The following DLGAP2 variants were observed in gnomAD, a reference collection of about 807,000 sequenced individuals.
DLGAP2 encodes the protein DLG associated protein 2.
In DLGAP2, 26 loss-of-function variants were observed where a neutral mutation model predicts 100.3. That is an observed-to-expected ratio of 0.26 (90% CI 0.19 to 0.36). DLGAP2 has a LOEUF of 0.36. Ranked by LOEUF, DLGAP2 falls within the 10% of genes least tolerant of loss-of-function variation. DLGAP2 has a pLI of 1.00. For missense variants in DLGAP2, 1,858 were observed against 1,453.2 expected, an observed-to-expected ratio of 1.28 and a Z score of -4.53; for synonymous variants, 886 against 630.1, an observed-to-expected ratio of 1.41 and a Z score of -6.08.
At chr8:1,022,392 G>C (rs544790259) in intron 2 of DLGAP2, among the ~76,000 whole-genome samples, 4 of 146,434 alleles carry the variant, frequency 2.7e-5, no homozygotes, top group South Asian at 2.2e-4. Flanking sequence ...GGACAGTCCC[G>C]TGCCAAGGTA....
At chr8:870,729 A>G (rs559027179) in intron 1 of DLGAP2, among the ~76,000 whole-genome samples, 3 of 152,052 alleles carry the variant, frequency 2.0e-5, no homozygotes, top group South Asian at 4.2e-4. Flanking sequence ...ACCCCAGCAC[A>G]TTCCCTGAGC....
chr8:785,003 C>G (rs1019463175), intron 1 of DLGAP2, among the ~76,000 whole-genome samples: 3 of 151,694 alleles, frequency 2.0e-5, no homozygotes, highest in Non-Finnish European at 4.4e-5. Flanking sequence ...GTCAGGAGAT[C>G]GAGACCATCC....
In DLGAP2 at chr8:1,315,714, C is replaced by T. The variant is rs529016079; in HGVS notation, c.106+56831C>T. Among the ~76,000 whole-genome samples, 87 of 50,930 alleles carry T rather than the reference C, an allele frequency of 1.7e-3. 2 individuals are homozygous for T. Among genetic ancestry groups the T allele is most frequent in the Non-Finnish European group, 2.2e-3 (64 of 29,152 alleles). 33.4% of individuals were successfully genotyped at this position (50,930 alleles called of 152,430 possible). On this transcript the variant is annotated intron_variant, in intron 3 of 14. Transcript: ENST00000637795. ...GCAGCGTTTAAAAATAGAGCCTGTA[C>T]GAGTGCAGCGTCTCTCCAACAGTGG...
At chr8:1,275,951 A>G (rs1306564003) in intron 3 of DLGAP2, among the ~76,000 whole-genome samples, 1 of 126,144 alleles carries the variant, frequency 7.9e-6, no homozygotes, top group South Asian at 2.3e-4. Context: ...TATATAATAT[A>G]TAAATAAATA....
chr8:793,566 A>G (rs781020396), intron 1 of DLGAP2, among the ~76,000 whole-genome samples: 2 of 151,872 alleles, frequency 1.3e-5, no homozygotes, highest in East Asian at 1.9e-4. Flanking sequence ...TTTTTCTTCT[A>G]TTATTTCTTT....
At chr8:814,201 G>A (rs930509942) in intron 1 of DLGAP2, among the ~76,000 whole-genome samples, 2 of 152,192 alleles carry the variant, frequency 1.3e-5, no homozygotes, top group Admixed American at 6.5e-5. Flanking sequence ...GTGAAAAGTA[G>A]AATAGACATT....
chr8:892,067 G>A (rs575172408), intron 1 of DLGAP2, among the ~76,000 whole-genome samples: 3 of 152,364 alleles, frequency 2.0e-5, no homozygotes, highest in African/African-American at 4.8e-5. Flanking sequence ...AGTGTTGGGA[G>A]GATGTGGAGG....
chr8:1,578,411 C>T (rs1193396472), intron 6 of DLGAP2, among the ~76,000 whole-genome samples: 1 of 152,196 alleles, frequency 6.6e-6, no homozygotes, highest in African/African-American at 2.4e-5. Context: ...TGGGCACCTG[C>T]GTTGACTGTG....
In DLGAP2 at chr8:1,702,001, G is replaced by A. The variant is rs917703394; in HGVS notation, c.*595G>A. The A allele has an allele frequency of 6.6e-6, 1 of 152,106 alleles. No homozygotes were observed. The highest frequency in any genetic ancestry group is 2.4e-5 in the African/African-American group (1 of 41,390). The allele number at this position is 152,106 out of a possible 1,614,324, so 9.4% of individuals were successfully genotyped here. On this transcript the variant is annotated 3_prime_UTR_variant, in exon 15 of 15. Transcript: ENST00000637795. The stretch of plus-strand genomic sequence containing the variant: ...TCCTTGTGTCAAGCTTCCTGTGATG[G>A]AAAGCGACCTCTCCAACCACCACAC...
intron 2 of DLGAP2, among the ~76,000 whole-genome samples, chr8:1,110,788 C>G (rs1443889966): frequency 6.7e-6 from 1 of 148,994 alleles, no homozygotes; most frequent in African/African-American, 2.5e-5. Context: ...CAGACCCTCT[C>G]TCTCACATAC....
intron 3 of DLGAP2, among the ~76,000 whole-genome samples, chr8:1,465,591 A>G (rs1798604626): frequency 6.6e-6 from 1 of 152,044 alleles, no homozygotes; most frequent in Non-Finnish European, 1.5e-5. Context: ...CCCTCCAGGA[A>G]CCTCCACGGG....
At chr8:1,645,759 T>C (rs1385322978) in intron 8 of DLGAP2, among the ~76,000 whole-genome samples, 1 of 152,230 alleles carries the variant, frequency 6.6e-6, no homozygotes, top group Admixed American at 6.5e-5. Context: ...TCAAGAGTCA[T>C]TGACATGATT....
chr8:857,537 C>T (rs1176507472), intron 1 of DLGAP2, among the ~76,000 whole-genome samples: 1 of 152,084 alleles, frequency 6.6e-6, no homozygotes, highest in South Asian at 2.1e-4. Context: ...TAACAGACAC[C>T]ATCAAAAAGA....
intron 3 of DLGAP2, among the ~76,000 whole-genome samples, chr8:1,374,940 T>C (rs894083433): frequency 6.6e-6 from 1 of 151,528 alleles, no homozygotes; most frequent in Non-Finnish European, 1.5e-5. Context: ...CAGGGCATTG[T>C]CCTCACTGAC....
At chr8:763,341 C>G (rs1014632443) in intron 1 of DLGAP2, among the ~76,000 whole-genome samples, 18 of 152,194 alleles carry the variant, frequency 1.2e-4, no homozygotes, top group Non-Finnish European at 1.5e-5. Flanking sequence ...TGTCACTCAT[C>G]TTCTTGCATA....
At chr8:1,683,914 ATATATATATGTGTG>A (rs1799035045) in intron 12 of DLGAP2, among the ~76,000 whole-genome samples, 2 of 110,696 alleles carry the variant, frequency 1.8e-5, no homozygotes, top group African/African-American at 7.1e-5. Context: ...ATATATGTGT[ATATATATATGTGTG>A]TATATATGTG....
intron 2 of DLGAP2, among the ~76,000 whole-genome samples, chr8:1,026,842 T>A (rs1327491173): frequency 2.0e-5 from 3 of 152,238 alleles, no homozygotes; most frequent in Non-Finnish European, 4.4e-5. Flanking sequence ...TATATGATAT[T>A]CTAACTGACC....
At chr8:1,226,472 A>T (rs923318699) in intron 2 of DLGAP2, among the ~76,000 whole-genome samples, 1 of 152,192 alleles carries the variant, frequency 6.6e-6, no homozygotes, top group East Asian at 1.9e-4. Context: ...GGGGCCTGTC[A>T]GGGGGCAAGG....
Position 974,361 on chromosome 8 carries a change from A to G in DLGAP2, c.73+66395A>G, listed in dbSNP as rs530663492. Reference sequence around the variant, plus strand: ...ATGCAAGCAGGAAAAAAGTTGATTCAAATATTTAAAGTGTTGAAAGAAATA... The same window carrying G: ...ATGCAAGCAGGAAAAAAGTTGATTCGAATATTTAAAGTGTTGAAAGAAATA... On this transcript the variant is annotated intron_variant, in intron 2 of 14. Transcript: ENST00000637795. 4.6e-5 allele frequency among the ~76,000 whole-genome samples: 7 copies of G among 152,354 alleles called. No homozygotes were observed. The South Asian group carries it at 1.5e-3, about 32-fold the overall frequency.
Sources: gnomAD v4.1 joint callset for allele counts (sites outside exome capture counted in the v4.1 genomes callset) on GRCh38, gnomAD v4.1.1 for gene constraint, MANE v1.5 for transcripts, NCBI Gene and HGNC (gene_info 2026-07-23, HGNC 2026-07-21) for gene names.